The following OCLN variants were observed in gnomAD, a reference collection of about 807,000 sequenced individuals.
OCLN encodes the protein phosphatase 1, regulatory subunit 115.
In OCLN, 21 loss-of-function variants were observed where a neutral mutation model predicts 47.9. That is an observed-to-expected ratio of 0.44 (90% CI 0.31 to 0.63). The LOEUF (loss-of-function observed/expected upper bound fraction) is 0.63. Among genes scored for constraint, OCLN ranks in the 30% least tolerant of loss-of-function variants. The probability of loss-of-function intolerance (pLI) is 0.08; values close to 1 mark genes in which losing one functional copy is unlikely to be tolerated. For synonymous variants in OCLN, 117 were observed against 198.4 expected, an observed-to-expected ratio of 0.59 and a Z score of 3.45; for missense variants, 360 against 571.0, an observed-to-expected ratio of 0.63 and a Z score of 3.77.
At chr5:69,516,072 G>A (rs1358036372) in intron 4 of OCLN, among the ~76,000 whole-genome samples, 1 of 151,218 alleles carries the variant, frequency 6.6e-6, no homozygotes, top group East Asian at 2.0e-4. Flanking sequence ...AGGCAGAGAC[G>A]CTCCTCACTT....
At chr5:69,521,130 C>A (rs1435573240) in intron 4 of OCLN, among the ~76,000 whole-genome samples, 1 of 152,168 alleles carries the variant, frequency 6.6e-6, no homozygotes, top group Non-Finnish European at 1.5e-5. Flanking sequence ...AGCCACCGTG[C>A]CTAGCCAATT....
chr5:69,549,890 A>G (rs1237101875), intron 7 of OCLN, among the ~76,000 whole-genome samples: 2 of 150,844 alleles, frequency 1.3e-5, no homozygotes, highest in African/African-American at 4.8e-5. Flanking sequence ...TCCCTTTGAC[A>G]TACTCTTATT....
intron 1 of OCLN, among the ~76,000 whole-genome samples, chr5:69,499,386 A>T (rs1768392913): frequency 6.6e-6 from 1 of 151,242 alleles, no homozygotes; most frequent in Non-Finnish European, 1.5e-5. Context: ...GTAATTTTTA[A>T]TTTTTTTTTC....
intron 2 of OCLN, among the ~76,000 whole-genome samples, chr5:69,504,538 G>A (rs1050630258): frequency 6.6e-6 from 1 of 152,176 alleles, no homozygotes; most frequent in African/African-American, 2.4e-5. Flanking sequence ...GATTGCCAAG[G>A]TTTATATTTG....
At chr5:69,497,939 C>G (rs1002438960) in intron 1 of OCLN, among the ~76,000 whole-genome samples, 1 of 151,504 alleles carries the variant, frequency 6.6e-6, no homozygotes, top group Non-Finnish European at 1.5e-5. Flanking sequence ...GAGACCATCC[C>G]GGCTAAAACG....
At chr5:69,494,391 G>T (rs999006219) in intron 1 of OCLN, among the ~76,000 whole-genome samples, 1 of 152,158 alleles carries the variant, frequency 6.6e-6, no homozygotes, top group Admixed American at 6.5e-5. Context: ...TTTGCCATTT[G>T]GTCAGGCTGG....
At chr5:69,532,761 A>C (rs756050162) in intron 4 of OCLN, among the ~76,000 whole-genome samples, 1 of 152,002 alleles carries the variant, frequency 6.6e-6, no homozygotes, top group Non-Finnish European at 1.5e-5. Context: ...TAAGGTCAGG[A>C]GTTCGAGACC....
intron 4 of OCLN, among the ~76,000 whole-genome samples, chr5:69,528,916 G>T (rs992492902): frequency 6.6e-6 from 1 of 152,178 alleles, no homozygotes; most frequent in Non-Finnish European, 1.5e-5. Context: ...AACTAGGGAT[G>T]AAATTAGGGC....
At chr5:69,511,822 C>G (rs906582854) in intron 3 of OCLN, among the ~76,000 whole-genome samples, 5 of 151,970 alleles carry the variant, frequency 3.3e-5, no homozygotes, top group African/African-American at 9.7e-5. Flanking sequence ...GTCAGGAGTT[C>G]GAGACCAGCC....
chr5:69,537,245 T>G (rs1223074311), intron 5 of OCLN, among the ~76,000 whole-genome samples: 4 of 54,602 alleles, frequency 7.3e-5, no homozygotes, highest in Non-Finnish European at 1.5e-4. Flanking sequence ...TCACCCAGCC[T>G]GGGGTGCAGT....
chr5:69,514,223 GGTT>G, intron 4 of OCLN, 114 bp downstream of exon 4: 1 of 968,902 alleles, frequency 1.0e-6, no homozygotes. Flanking sequence ...ATGTTGCAAA[GGTT>G]GTTGCATTGG....
intron 5 of OCLN, 82 bp downstream of exon 5, chr5:69,534,921 T>C: frequency 6.6e-7 from 1 of 1,519,780 alleles, no homozygotes; most frequent in South Asian, 1.1e-5. Flanking sequence ...CCTTTCTGCT[T>C]AAAAAAAATA....
intron 4 of OCLN, among the ~76,000 whole-genome samples, chr5:69,527,044 G>A (rs1486586221): frequency 1.3e-5 from 2 of 152,130 alleles, no homozygotes; most frequent in Non-Finnish European, 2.9e-5. Flanking sequence ...TTGGGAGGCC[G>A]AGGCGGGCGG....
chr5:69,507,435 A>C (rs1768638147), intron 2 of OCLN, among the ~76,000 whole-genome samples: 1 of 151,956 alleles, frequency 6.6e-6, no homozygotes, highest in Non-Finnish European at 1.5e-5. Flanking sequence ...GGCCAGTTTT[A>C]CCTGTTTTAA....
At chr5:69,510,752 C>T (rs1768760243) in intron 3 of OCLN, among the ~76,000 whole-genome samples, 1 of 152,240 alleles carries the variant, frequency 6.6e-6, no homozygotes, top group African/African-American at 2.4e-5. Context: ...TTAATGATTT[C>T]TTGAGTTGGG....
chr5:69,515,066 G>A (rs1274068027), intron 4 of OCLN, among the ~76,000 whole-genome samples: 1 of 152,082 alleles, frequency 6.6e-6, no homozygotes, highest in Non-Finnish European at 1.5e-5. Flanking sequence ...GGTGGTGGCT[G>A]GGCAGAGGGG....
At chr5:69,510,281 T>C (rs558359413) in intron 3 of OCLN, among the ~76,000 whole-genome samples, 1 of 152,326 alleles carries the variant, frequency 6.6e-6, no homozygotes, top group Admixed American at 6.5e-5. Context: ...ACCCATGTCA[T>C]AGCTTGTGCC....
chr5:69,493,420 C>T lies in OCLN; in HGVS notation c.-69+520C>T, dbSNP rs572987869. On this transcript the variant is annotated intron_variant, in intron 1 of 8. Coordinates refer to ENST00000396442, the MANE Select transcript of OCLN (RefSeq NM_001205254.2). The surrounding 1 kb of genome is among the most constrained non-coding windows in gnomAD (Gnocchi z 5.3). Reference sequence around the variant, plus strand: ...TCCCACCCCACCCCTTTGGATATCCCGGGGAGACGGGGGCTGGATTCAATC... The same window carrying T: ...TCCCACCCCACCCCTTTGGATATCCTGGGGAGACGGGGGCTGGATTCAATC... Among the ~76,000 whole-genome samples the T allele has an allele frequency of 6.6e-6, 1 of 152,032 alleles. No individual in the cohort carries two copies. Among genetic ancestry groups the T allele is most frequent in the Non-Finnish European group, 1.5e-5 (1 of 67,986 alleles).
intron 4 of OCLN, among the ~76,000 whole-genome samples, chr5:69,525,749 C>G (rs1769262127): frequency 6.6e-6 from 1 of 152,146 alleles, no homozygotes; most frequent in Non-Finnish European, 1.5e-5. Context: ...GTCCTTTTCA[C>G]AAATGACTAA....
Sources: allele counts gnomAD v4.1 joint callset (sites outside exome capture counted in the v4.1 genomes callset), GRCh38; gene constraint gnomAD v4.1.1; non-coding constraint Gnocchi (gnomAD v3.1); transcripts MANE v1.5; gene names NCBI Gene and HGNC (gene_info 2026-07-23, HGNC 2026-07-21).